The following GALNT18 variants were observed in gnomAD, a reference collection of about 807,000 sequenced individuals.
GALNT18 encodes polypeptide N-acetylgalactosaminyltransferase 18.
A neutral mutation model predicts 69.5 loss-of-function variants in GALNT18; 44 were observed. That is an observed-to-expected ratio of 0.63 (90% CI 0.50 to 0.81). The LOEUF (loss-of-function observed/expected upper bound fraction) is 0.81, where lower values mean the gene tolerates loss of function less well. GALNT18 is among the 40% of genes least tolerant of loss of function. The pLI is 0.00. For missense variants in GALNT18, 715 were observed against 810.0 expected, an observed-to-expected ratio of 0.88 and a Z score of 1.42; for synonymous variants, 364 against 318.2, an observed-to-expected ratio of 1.14 and a Z score of -1.53.
chr11:11,610,868 C>T (rs751333324), intron 1 of GALNT18, among the ~76,000 whole-genome samples: 1 of 152,234 alleles, frequency 6.6e-6, no homozygotes, highest in African/African-American at 2.4e-5. Context: ...AGCTCCTTCT[C>T]TCCCATCAGG....
intron 3 of GALNT18, among the ~76,000 whole-genome samples, chr11:11,431,660 T>C (rs1457277225): frequency 6.6e-6 from 1 of 152,194 alleles, no homozygotes; most frequent in African/African-American, 2.4e-5. Context: ...ATTTCAATTA[T>C]CCAATGTATT....
intron 3 of GALNT18, among the ~76,000 whole-genome samples, chr11:11,431,146 A>T (rs1226070503): frequency 6.6e-6 from 1 of 152,178 alleles, no homozygotes; most frequent in Non-Finnish European, 1.5e-5. Context: ...TCTTCCTCCT[A>T]GTGCTCCATA....
chr11:11,352,678 G>A (rs1850438693), intron 6 of GALNT18: 1 of 1,613,406 alleles, frequency 6.2e-7, no homozygotes, highest in Non-Finnish European at 8.5e-7. Context: ...CCCATGCTGT[G>A]ACAATAATCC....
chr11:11,374,919 C>A (rs1262591992), intron 5 of GALNT18, among the ~76,000 whole-genome samples: 1 of 152,196 alleles, frequency 6.6e-6, no homozygotes, highest in Non-Finnish European at 1.5e-5. Flanking sequence ...AATGAACACA[C>A]ATGGTCTTAG....
chr11:11,392,704 G>C (rs1309002470), intron 3 of GALNT18, among the ~76,000 whole-genome samples: 1 of 152,192 alleles, frequency 6.6e-6, no homozygotes, highest in African/African-American at 2.4e-5. Context: ...CTGACACATG[G>C]TGAACATGGG....
chr11:11,484,278 G>A (rs1242712791), intron 1 of GALNT18, among the ~76,000 whole-genome samples: 4 of 152,014 alleles, frequency 2.6e-5, no homozygotes, highest in Non-Finnish European at 5.9e-5. Flanking sequence ...CTAGTTCTGA[G>A]CAATTTGCTT....
intron 1 of GALNT18, among the ~76,000 whole-genome samples, chr11:11,458,412 T>G (rs1302368837): frequency 6.6e-6 from 1 of 152,204 alleles, no homozygotes; most frequent in Non-Finnish European, 1.5e-5. Flanking sequence ...TTAAAAAAAC[T>G]TTTCTTCCAC....
At chr11:11,297,275 C>A (rs1849418153) in intron 9 of GALNT18, among the ~76,000 whole-genome samples, 1 of 152,140 alleles carries the variant, frequency 6.6e-6, no homozygotes, top group Admixed American at 6.5e-5. Flanking sequence ...ATGTTTTTAC[C>A]TCTTACACTG....
chr11:11,352,751 T>G (rs755289709), intron 6 of GALNT18: 3 of 1,614,150 alleles, frequency 1.9e-6, no homozygotes, highest in Non-Finnish European at 2.5e-6. Context: ...TCTGGTACAA[T>G]TGCTTGAAGT....
chr11:11,508,539 G>A (rs1004133687), intron 1 of GALNT18, among the ~76,000 whole-genome samples: 2 of 152,322 alleles, frequency 1.3e-5, no homozygotes, highest in East Asian at 3.9e-4. Context: ...TAATGTGTGG[G>A]TGTTACTCCA....
rs906724972 is a variant in GALNT18, at chr11:11,602,791, G to T, written c.235+18568C>A. 1.3e-5 allele frequency among the ~76,000 whole-genome samples: 2 copies of T among 152,164 alleles called. No individual in the cohort carries two copies. Among genetic ancestry groups the T allele is most frequent in the Non-Finnish European group, 2.9e-5 (2 of 68,038 alleles). ...AAAAGAGAGAATCATTTAGAGAACA[G>T]CTGGCTCTATTGATCAGTGCTCTGT... On this transcript the variant is annotated intron_variant, in intron 1 of 10. Coordinates refer to ENST00000227756, the MANE Select transcript of GALNT18 (RefSeq NM_198516.3). This position sits in a 1 kb window ranked among gnomAD's most constrained non-coding sequence, Gnocchi z 4.7.
chr11:11,385,237 G>A (rs1854020957), intron 3 of GALNT18, among the ~76,000 whole-genome samples: 5 of 152,002 alleles, frequency 3.3e-5, no homozygotes, highest in African/African-American at 9.7e-5. Flanking sequence ...TATTAATGAG[G>A]GATCCACTCC....
At chr11:11,321,127 A>G (rs1380611330) in intron 9 of GALNT18, among the ~76,000 whole-genome samples, 1 of 152,216 alleles carries the variant, frequency 6.6e-6, no homozygotes, top group Non-Finnish European at 1.5e-5. Context: ...TCCCACGCCA[A>G]CTGAATTTCA....
rs984667133 is a variant in GALNT18 at position 11,382,343 on chromosome 11, T to C, written c.596-3079A>G. 6.6e-6 allele frequency among the ~76,000 whole-genome samples: 1 copy of C among 152,238 alleles called. No individual in the cohort carries two copies. Among genetic ancestry groups the C allele is most frequent in the African/African-American group, 2.4e-5 (1 of 41,464 alleles). ...GGTTTTCATGTTTTCTTTCAATCTT[T>C]GTTAAGTGCCAAAGCAAGAAAGAAC... On this transcript the variant is annotated intron_variant, in intron 3 of 10. Coordinates refer to ENST00000227756, the MANE Select transcript of GALNT18 (RefSeq NM_198516.3). This position sits in a 1 kb window ranked among gnomAD's most constrained non-coding sequence, Gnocchi z 4.3.
chr11:11,378,306 C>T (rs967944110), intron 4 of GALNT18, among the ~76,000 whole-genome samples: 1 of 152,166 alleles, frequency 6.6e-6, no homozygotes, highest in African/African-American at 2.4e-5. Flanking sequence ...AGAGCAGACC[C>T]CAGTGACAAC....
At chr11:11,451,483 T>G (rs760247350) in intron 1 of GALNT18, among the ~76,000 whole-genome samples, 4 of 152,162 alleles carry the variant, frequency 2.6e-5, no homozygotes, top group Non-Finnish European at 4.4e-5. Context: ...ACCTTTTCAC[T>G]CAGTATGGGC....
rs1015738115 is a variant in GALNT18 at position 11,602,722 on chromosome 11, G to A, written c.235+18637C>T. ...AAGGACCCACAGAGCTCCTCACACT[G>A]CCATTCCAGTTCTTCCCTAACCCCC... On this transcript the variant is annotated intron_variant, in intron 1 of 10. Transcript: ENST00000227756. This position sits in a 1 kb window ranked among gnomAD's most constrained non-coding sequence, Gnocchi z 4.7. Among the ~76,000 whole-genome samples the A allele has an allele frequency of 6.6e-6, 1 of 152,134 alleles. No individual in the cohort carries two copies. Among genetic ancestry groups the A allele is most frequent in the African/African-American group, 2.4e-5 (1 of 41,410 alleles).
Position 11,613,594 on chromosome 11 carries a change from C to A in GALNT18, c.235+7765G>T, listed in dbSNP as rs1016146734. ...GTGAGGAAGGGGGAAACATCAAGGACCCCTGGGCTCAAGCATTGCATTACA... is the reference window on the plus strand; with the variant it reads ...GTGAGGAAGGGGGAAACATCAAGGAACCCTGGGCTCAAGCATTGCATTACA... On this transcript the variant is annotated intron_variant, in intron 1 of 10. Coordinates refer to ENST00000227756, the MANE Select transcript of GALNT18 (RefSeq NM_198516.3). This position sits in a 1 kb window ranked among gnomAD's most constrained non-coding sequence, Gnocchi z 4.2. Among the ~76,000 whole-genome samples, 1 of 152,176 alleles carries A rather than the reference C, an allele frequency of 6.6e-6. No individual in the cohort carries two copies. Among genetic ancestry groups the A allele is most frequent in the Admixed American group, 6.5e-5 (1 of 15,276 alleles).
chr11:11,452,649 G>A (rs1855829630), intron 1 of GALNT18, among the ~76,000 whole-genome samples: 1 of 152,178 alleles, frequency 6.6e-6, no homozygotes, highest in Non-Finnish European at 1.5e-5. Context: ...CCAGCAAAGG[G>A]GACCACCTTT....
Sources: gnomAD v4.1 joint callset for allele counts (sites outside exome capture counted in the v4.1 genomes callset) on GRCh38, gnomAD v4.1.1 for gene constraint, Gnocchi (gnomAD v3.1) non-coding constraint, MANE v1.5 for transcripts, NCBI Gene and HGNC (gene_info 2026-07-23, HGNC 2026-07-21) for gene names.